TMEM132B: variants seen among roughly 807,000 people sequenced by gnomAD.
TMEM132B encodes the protein transmembrane protein 132B.
In TMEM132B, 18 loss-of-function variants were observed where a neutral mutation model predicts 90.8. The ratio of observed to expected loss-of-function variants is 0.20; its 90% CI spans 0.14 to 0.29. The LOEUF is 0.29. Among genes scored for constraint, TMEM132B ranks in the 10% least tolerant of loss-of-function variants. The pLI, the probability that TMEM132B is intolerant of heterozygous loss-of-function variation, is 1.00. For synonymous variants in TMEM132B, 504 were observed against 523.3 expected (o/e 0.96, Z 0.50); for missense variants, 1,096 against 1,326.8 (o/e 0.83, Z 2.70).
At chr12:125,282,689 G>A (rs12318327) in intron 1 of TMEM132B, among the ~76,000 whole-genome samples, 6,738 of 152,250 alleles carry the variant, frequency 0.044, 508 homozygotes, top group African/African-American at 0.15. Flanking sequence ...TAGGGCTCCC[G>A]GTGCTGCTGC....
chr12:125,364,011 A>C (rs145604013), intron 2 of TMEM132B, among the ~76,000 whole-genome samples: 94 of 152,338 alleles, frequency 6.2e-4, no homozygotes, highest in East Asian at 4.2e-3. Context: ...AACAAAGCAA[A>C]TTATTAGCTT....
intron 1 of TMEM132B, among the ~76,000 whole-genome samples, chr12:125,281,946 T>A (rs1875192148): frequency 7.1e-6 from 1 of 140,884 alleles, no homozygotes; most frequent in Non-Finnish European, 1.5e-5. Flanking sequence ...GAGAATGGCG[T>A]GAACCCGGGA....
chr12:125,218,190 A>G (rs60523945), intron 1 of TMEM132B, among the ~76,000 whole-genome samples: 2,954 of 152,098 alleles, frequency 0.019, 100 homozygotes, highest in African/African-American at 0.066. Flanking sequence ...AGGGTAATGG[A>G]TTGCCTGGGG....
chr12:125,517,145 A>G (rs11609224), intron 3 of TMEM132B, among the ~76,000 whole-genome samples: 19,429 of 150,912 alleles, frequency 0.13, 1,735 homozygotes, highest in Admixed American at 0.3. Flanking sequence ...ACTGCTATTC[A>G]ACACACATTT....
At chr12:125,592,119 T>A (rs1240605916) in intron 5 of TMEM132B, among the ~76,000 whole-genome samples, 1 of 152,190 alleles carries the variant, frequency 6.6e-6, no homozygotes, top group East Asian at 1.9e-4. Context: ...TTTTTTAAGA[T>A]CTTTGGAAAA....
chr12:125,265,581 C>A (rs1177429686), intron 1 of TMEM132B, among the ~76,000 whole-genome samples: 4 of 152,156 alleles, frequency 2.6e-5, no homozygotes. Context: ...ACAAACATCA[C>A]AAGTGTACAG....
intron 3 of TMEM132B, among the ~76,000 whole-genome samples, chr12:125,516,041 A>G (rs2526733): frequency 0.63 from 95,662 of 151,712 alleles, 31,492 homozygotes; most frequent in East Asian, 0.85. Context: ...ACACCCCCAC[A>G]TTCACGCATT....
chr12:125,294,928 T>C (rs1875629885), intron 1 of TMEM132B, among the ~76,000 whole-genome samples: 1 of 152,230 alleles, frequency 6.6e-6, no homozygotes, highest in Admixed American at 6.5e-5. Context: ...CAATAAAATA[T>C]CAACTTATTG....
rs1887041460 is a variant in TMEM132B at position 125,655,652 on chromosome 12, A to G, written c.*942A>G. The G allele has an allele frequency of 6.6e-6, 1 of 152,246 alleles. No homozygotes were observed. The highest frequency in any genetic ancestry group is 6.5e-5 in the Admixed American group (1 of 15,286). The allele number at this position is 152,246 out of a possible 1,614,324, so 9.4% of individuals were successfully genotyped here. A position where few individuals can be genotyped will look rare whatever the true frequency, so the allele number is the denominator to read the frequency against. On this transcript the variant is annotated 3_prime_UTR_variant, in exon 9 of 9. Transcript: ENST00000682704. ...TCTGAGGGTAAAAAGGCCCCAACATAGCTGTATTTATACAAGTGCTTTGTG... is the reference window on the plus strand; with the variant it reads ...TCTGAGGGTAAAAAGGCCCCAACATGGCTGTATTTATACAAGTGCTTTGTG...
At chr12:125,502,504 C>A (rs1808974584) in intron 3 of TMEM132B, among the ~76,000 whole-genome samples, 1 of 152,150 alleles carries the variant, frequency 6.6e-6, no homozygotes, top group African/African-American at 2.4e-5. Flanking sequence ...GTATTCTGGA[C>A]TGAAGGGAGA....
At chr12:125,195,642 C>T (rs957247592) in intron 1 of TMEM132B, among the ~76,000 whole-genome samples, 3 of 152,058 alleles carry the variant, frequency 2.0e-5, no homozygotes, top group Non-Finnish European at 2.9e-5. Context: ...TCAGGCAATC[C>T]ACCCACCTTG....
chr12:125,335,052 G>A (rs1417007953), intron 1 of TMEM132B, among the ~76,000 whole-genome samples: 1 of 152,190 alleles, frequency 6.6e-6, no homozygotes, highest in Non-Finnish European at 1.5e-5. Flanking sequence ...GCCGTTCAGC[G>A]AATGTTGGTT....
chr12:125,519,629 A>T lies in TMEM132B; in HGVS notation c.1293+4A>T. On this transcript the variant is annotated splice_donor_region_variant and intron_variant, in intron 4 of 8. Transcript: ENST00000682704. ...GGGCATCGTCCCTCTTGCCATGGTG[A>T]GGAATCTGGGGGTTTCAGAGGAAGT... 6.2e-7 allele frequency: 1 copy of T among 1,613,872 alleles called. No homozygotes were observed. The highest frequency in any genetic ancestry group is 8.5e-7 in the Non-Finnish European group (1 of 1,179,990).
At chr12:125,321,476 CTTT>C (rs34356043) in intron 1 of TMEM132B, among the ~76,000 whole-genome samples, 1 of 129,988 alleles carries the variant, frequency 7.7e-6, no homozygotes. Context: ...GAAAATGATT[CTTT>C]TTTTTTTTTT....
In TMEM132B at chr12:125,277,162, C is replaced by A. The variant is rs1469537626; in HGVS notation, c.68-72290C>A. Among the ~76,000 whole-genome samples, 1 of 152,026 alleles carries A rather than the reference C, an allele frequency of 6.6e-6. No homozygotes were observed. Among genetic ancestry groups the A allele is most frequent in the East Asian group, 1.9e-4 (1 of 5,174 alleles). Reference sequence around the variant, plus strand: ...GTGGTCATTAGGGTGGGCCCTAATCCCATATGACTGGTGTCCTTAGATGAA... The same window carrying A: ...GTGGTCATTAGGGTGGGCCCTAATCACATATGACTGGTGTCCTTAGATGAA... On this transcript the variant is annotated intron_variant, in intron 1 of 8. Transcript: ENST00000682704. The surrounding 1 kb of genome is among the most constrained non-coding windows in gnomAD (Gnocchi z 4.3).
At chr12:125,318,063 G>A (rs140926325) in intron 1 of TMEM132B, among the ~76,000 whole-genome samples, 251 of 152,292 alleles carry the variant, frequency 1.6e-3, no homozygotes, top group African/African-American at 5.4e-3. Context: ...TGTAATTTTC[G>A]TAGACATAAT....
intron 5 of TMEM132B, among the ~76,000 whole-genome samples, chr12:125,605,333 G>A (rs556754308): frequency 1.1e-4 from 17 of 152,310 alleles, no homozygotes; most frequent in African/African-American, 4.1e-4. Flanking sequence ...AACCGGCTGA[G>A]CTGGACCAAT....
At chr12:125,310,628 G>A (rs563852679) in intron 1 of TMEM132B, among the ~76,000 whole-genome samples, 83 of 152,254 alleles carry the variant, frequency 5.5e-4, no homozygotes, top group African/African-American at 1.8e-3. Context: ...TCCCAGCCAC[G>A]GGTCCCCCGT....
chr12:125,578,524 C>T lies in TMEM132B; in HGVS notation c.1294-5327C>T, dbSNP rs1324277759. ...TCTTTTGTATTTATCAATGTAGTTA[C>T]ATTTACTGGTGCTCTCTATACCTTC... On this transcript the variant is annotated intron_variant, in intron 4 of 8. Transcript: ENST00000682704. Among the ~76,000 whole-genome samples, 3 of 152,072 alleles carry T rather than the reference C, an allele frequency of 2.0e-5. No homozygotes were observed. The East Asian group carries it at 5.9e-4, about 30-fold the overall frequency.
Sources: gnomAD v4.1 joint callset for allele counts (sites outside exome capture counted in the v4.1 genomes callset) on GRCh38, gnomAD v4.1.1 for gene constraint, Gnocchi (gnomAD v3.1) non-coding constraint, MANE v1.5 for transcripts, NCBI Gene and HGNC (gene_info 2026-07-23, HGNC 2026-07-21) for gene names.